The following ZNF160 variants were observed in gnomAD, a reference collection of about 807,000 sequenced individuals.
ZNF160 encodes the protein zinc finger protein 160, also known as KRAB zinc finger protein KR18.
A neutral mutation model predicts 13.1 loss-of-function variants in ZNF160; 9 were observed. The ratio of observed to expected loss-of-function variants is 0.69; its 90% CI spans 0.41 to 1.20. ZNF160 has a LOEUF of 1.20. ZNF160 is among the 50% of genes most tolerant of loss of function. The pLI is 0.01. For synonymous variants in ZNF160, 293 were observed against 333.2 expected, an observed-to-expected ratio of 0.88 and a Z score of 1.31; for missense variants, 838 against 988.0, an observed-to-expected ratio of 0.85 and a Z score of 2.04.
intron 2 of ZNF160, among the ~76,000 whole-genome samples, chr19:53,087,695 C>T (rs556328668): frequency 9.9e-5 from 15 of 152,214 alleles, no homozygotes; most frequent in African/African-American, 3.4e-4. Context: ...GGATTACAGG[C>T]GCCCGCCACC....
chr19:53,096,837 C>T (rs918665972), intron 1 of ZNF160, among the ~76,000 whole-genome samples: 6 of 128,558 alleles, frequency 4.7e-5, no homozygotes, highest in East Asian at 2.0e-4. Context: ...AAGGGAGAAG[C>T]GTGTGCATAG....
chr19:53,073,477 G>A (rs766871837), intron 5 of ZNF160: 1 of 1,598,156 alleles, frequency 6.3e-7, no homozygotes, highest in East Asian at 2.2e-5. Context: ...ATGCCAAGGA[G>A]CAGCAGCCAA....
intron 4 of ZNF160, among the ~76,000 whole-genome samples, chr19:53,074,658 A>G (rs2084314102): frequency 7.6e-6 from 1 of 132,256 alleles, no homozygotes; most frequent in South Asian, 2.5e-4. Flanking sequence ...CGACAGAGCG[A>G]GACTCCGCCT....
chr19:53,085,969 G>A (rs1426090560), intron 3 of ZNF160: 34 of 1,254,712 alleles, frequency 2.7e-5, no homozygotes, highest in Non-Finnish European at 3.5e-5. Flanking sequence ...CGGCCCCTGA[G>A]CAATCCCTGC....
At chr19:53,070,405 G>A (rs1406921601) in intron 5 of ZNF160, 143 bp from the exon 6 acceptor site, 2 of 886,216 alleles carry the variant, frequency 2.3e-6, no homozygotes, top group Non-Finnish European at 3.2e-6. Flanking sequence ...CAATTGTTAG[G>A]AACAAAAATG....
chr19:53,095,099 C>G (rs12981472), intron 1 of ZNF160, among the ~76,000 whole-genome samples: 1 of 136,054 alleles, frequency 7.4e-6, no homozygotes, highest in Non-Finnish European at 1.6e-5. Context: ...CCTCCCACCC[C>G]ACCCTCTTCC....
intron 1 of ZNF160, among the ~76,000 whole-genome samples, chr19:53,094,331 C>T (rs989160937): frequency 6.6e-6 from 1 of 152,104 alleles, no homozygotes; most frequent in Admixed American, 6.5e-5. Context: ...GAAATGGAAA[C>T]GATGTTCCGA....
chr19:53,094,345 T>C (rs527563399), intron 1 of ZNF160, among the ~76,000 whole-genome samples: 1 of 152,232 alleles, frequency 6.6e-6, no homozygotes, highest in Non-Finnish European at 1.5e-5. Flanking sequence ...GTTCCGATCG[T>C]TGTCACTATG....
chr19:53,076,467 T>C (rs141741807), intron 3 of ZNF160, among the ~76,000 whole-genome samples: 11,114 of 152,102 alleles, frequency 0.073, 450 homozygotes, highest in Middle Eastern at 0.19. Flanking sequence ...TGGTGAAACC[T>C]GTCTCTACTA....
rs747156502 is a variant in ZNF160, at chr19:53,070,258, G to T, written c.276C>A (p.Ile92=). The change falls in exon 6 of 6, where the codon ATC becomes ATA. Residue 92 remains isoleucine, a synonymous_variant. Transcript: ENST00000683776. The stretch of plus-strand genomic sequence containing the variant: ...AATCCTTGATTGTACATTTAGGAGG[G>T]ATATCTACAAGATATAAAGAACCAC... The part of the protein sequence containing the change: ...PECVKGVVTD[I]PPKCTIKDLL... 6 of 1,581,284 alleles carry T rather than the reference G, an allele frequency of 3.8e-6. No homozygotes were observed. The South Asian group carries it at 7.0e-5, about 18-fold the overall frequency.
intron 3 of ZNF160, among the ~76,000 whole-genome samples, chr19:53,084,425 C>A (rs1201943234): frequency 6.6e-6 from 1 of 152,208 alleles, no homozygotes; most frequent in East Asian, 1.9e-4. Flanking sequence ...AGACCTTGCT[C>A]TTGTTAACTG....
chr19:53,092,385 A>G (rs1026805817), intron 1 of ZNF160, among the ~76,000 whole-genome samples: 2 of 152,000 alleles, frequency 1.3e-5, no homozygotes, highest in African/African-American at 4.8e-5. Context: ...ATCTTGGCTC[A>G]TTGCAACCTC....
intron 1 of ZNF160, among the ~76,000 whole-genome samples, chr19:53,101,266 C>T (rs1263206356): frequency 2.0e-5 from 3 of 151,726 alleles, no homozygotes; most frequent in African/African-American, 4.8e-5. Context: ...GGTGAAAGAG[C>T]GAGACTGTCT....
Position 53,103,319 on chromosome 19 carries a change from C to G in ZNF160, c.-408G>C, listed in dbSNP as rs548859309. The G allele has an allele frequency of 7.2e-5, 11 of 152,388 alleles. No homozygotes were observed. Among genetic ancestry groups the G allele is most frequent in the African/African-American group, 2.6e-4 (11 of 41,528 alleles). 9.4% of individuals were successfully genotyped at this position (152,388 alleles called of 1,614,324 possible). A position where few individuals can be genotyped will look rare whatever the true frequency, so the allele number is the denominator to read the frequency against. ...TAAGTCCGTAGCGACCCCCGGGCAT[C>G]GGGTGTGCGAATGGGGGACGGCGAG... On this transcript the variant is annotated 5_prime_UTR_variant, in exon 1 of 6. Transcript: ENST00000683776.
chr19:53,075,985 G>GTGTTGCAGAATTC (rs1337864011), intron 3 of ZNF160: 41 of 275,692 alleles, frequency 1.5e-4, no homozygotes, highest in Non-Finnish European at 2.4e-4. Flanking sequence ...CACCCATTTG[G>GTGTTGCAGAATTC]TGTCTGTTGC....
chr19:53,098,624 G>C (rs1222742523), intron 1 of ZNF160, among the ~76,000 whole-genome samples: 1 of 151,872 alleles, frequency 6.6e-6, no homozygotes, highest in African/African-American at 2.4e-5. Context: ...TCCACTCACA[G>C]TCCCCTGCAA....
At position 53,068,519 on chromosome 19, in the gene ZNF160, G is replaced by C; in HGVS notation, c.2015C>G (p.Thr672Ser). Residue 672 changes from threonine to serine, a missense_variant, in exon 6 of 6, where the codon ACT becomes AGT. Physicochemically the swap from Thr to Ser is moderately conservative, Grantham distance 58 (BLOSUM62 1). Around this residue, in one of 3 missense-constraint regions of ZNF160, gnomAD observed 400 missense variants for 538.9 expected, o/e 0.74. Transcript: ENST00000683776. ...ATTACATTTGTAAGGCTTCTCTCCAGTATGGATGACCTTATGGGTAGTTAG... is the reference window on the plus strand; with the variant it reads ...ATTACATTTGTAAGGCTTCTCTCCACTATGGATGACCTTATGGGTAGTTAG... ...SNLTTHKVIH[T>S]GEKPYKCNQC... The C allele has an allele frequency of 6.2e-7, 1 of 1,613,836 alleles. No individual in the cohort carries two copies.
intron 3 of ZNF160, among the ~76,000 whole-genome samples, chr19:53,084,633 TATACAC>T (rs1433316382): frequency 1.3e-5 from 2 of 152,178 alleles, no homozygotes; most frequent in African/African-American, 4.8e-5. Flanking sequence ...TCATTTCATA[TATACAC>T]ATCCACAAAG....
At chr19:53,073,595 T>G (rs918047514) in intron 5 of ZNF160, 1 of 1,454,646 alleles carries the variant, frequency 6.9e-7, no homozygotes, top group African/African-American at 1.4e-5. Flanking sequence ...CTGACCCATA[T>G]GGACTAAGAA....
Sources: gnomAD v4.1 joint callset for allele counts (sites outside exome capture counted in the v4.1 genomes callset) on GRCh38, gnomAD v4.1.1 for gene constraint, gnomAD v4.1.1 regional missense constraint, MANE v1.5 for transcripts, NCBI Gene and HGNC (gene_info 2026-07-23, HGNC 2026-07-21) for gene names.